The following GPA33 variants were observed in gnomAD, a reference collection of about 807,000 sequenced individuals.
The protein encoded by GPA33 is glycoprotein A33, also known as cell surface A33 antigen.
A neutral mutation model predicts 35.6 loss-of-function variants in GPA33; 27 were observed. The observed-to-expected ratio is 0.76, with a 90% CI of 0.56 to 1.04. The LOEUF (loss-of-function observed/expected upper bound fraction) is 1.04, where lower values mean the gene tolerates loss of function less well. Ranked by LOEUF, GPA33 falls within the 50% of genes least tolerant of loss-of-function variation. The pLI is 0.00. For synonymous variants in GPA33, 176 were observed against 164.0 expected (o/e 1.07, Z -0.56); for missense variants, 428 against 411.9 (o/e 1.04, Z -0.34).
intron 1 of GPA33, among the ~76,000 whole-genome samples, chr1:167,074,089 G>A (rs887740478): frequency 1.3e-5 from 2 of 150,026 alleles, no homozygotes; most frequent in African/African-American, 4.9e-5. Context: ...ATTTTCACAG[G>A]AGTTTATCTC....
At chr1:167,056,900 T>C (rs1336271145) in intron 4 of GPA33, among the ~76,000 whole-genome samples, 2 of 143,522 alleles carry the variant, frequency 1.4e-5, no homozygotes, top group Admixed American at 7.0e-5. Context: ...GTAGTGTGTG[T>C]GCTGCATGTG....
chr1:167,064,215 C>T (rs1004142560), intron 3 of GPA33, among the ~76,000 whole-genome samples: 10 of 151,600 alleles, frequency 6.6e-5, no homozygotes, highest in South Asian at 2.1e-4. Context: ...ATCTGGGAGG[C>T]GGAGGTTGCA....
At chr1:167,055,321 C>T (rs1171863572) in intron 5 of GPA33, among the ~76,000 whole-genome samples, 4 of 152,176 alleles carry the variant, frequency 2.6e-5, no homozygotes, top group Admixed American at 2.0e-4. Flanking sequence ...TAACACTTTC[C>T]GGGCTACCCT....
At chr1:167,079,674 A>G (rs544119335) in intron 1 of GPA33, among the ~76,000 whole-genome samples, 1 of 152,312 alleles carries the variant, frequency 6.6e-6, no homozygotes, top group African/African-American at 2.4e-5. Context: ...GCCAACAGCC[A>G]TCTTGGGAAT....
intron 1 of GPA33, among the ~76,000 whole-genome samples, chr1:167,082,590 TG>T (rs1273966511): frequency 1.3e-5 from 2 of 152,100 alleles, no homozygotes; most frequent in Admixed American, 6.5e-5. Context: ...GACCTTAGCC[TG>T]GGAGGGGACC....
In GPA33 at chr1:167,069,069, T is replaced by C; in HGVS notation, c.268A>G (p.Ser90Gly). 1.2e-6 allele frequency: 2 copies of C among 1,613,950 alleles called. No homozygotes were observed. The highest frequency in any genetic ancestry group is 1.7e-6 in the Non-Finnish European group (2 of 1,179,950). ...GACTGCTCAGCATTGTTGGATATGCTGACGCGATTCTTATAAAGCTCACCA... is the reference window on the plus strand; with the variant it reads ...GACTGCTCAGCATTGTTGGATATGCCGACGCGATTCTTATAAAGCTCACCA... The part of the protein sequence containing the change: ...IHGELYKNRV[S>G]ISNNAEQSDA... Residue 90 changes from serine (S) to glycine (G), a missense_variant, in exon 3 of 7, where the codon AGC becomes GGC. Coordinates refer to ENST00000367868, the MANE Select transcript of GPA33 (RefSeq NM_005814.3).
At chr1:167,086,242 C>A (rs747609231) in intron 1 of GPA33, among the ~76,000 whole-genome samples, 2 of 152,190 alleles carry the variant, frequency 1.3e-5, no homozygotes, top group Admixed American at 6.5e-5. Context: ...CAGGCCCCAG[C>A]GGGGAGCCAG....
Position 167,054,893 on chromosome 1 carries a change from A to C in GPA33, c.827+83T>G, listed in dbSNP as rs1666201310. 8.0e-6 allele frequency: 12 copies of C among 1,491,614 alleles called. No homozygotes were observed. In the South Asian group the frequency reaches 1.2e-4, roughly 15 times the overall value. 92.4% of individuals were successfully genotyped at this position (1,491,614 alleles called of 1,614,324 possible). A position where few individuals can be genotyped will look rare whatever the true frequency, so the allele number is the denominator to read the frequency against. ...GTGATATACCCCAAGGGGTGCTGCA[A>C]GTAGAAGAGGCTGTGAGGAATTGGG... On this transcript the variant is annotated intron_variant, in intron 6 of 6. Transcript: ENST00000367868.
chr1:167,068,505 G>A (rs1666647537), intron 3 of GPA33, among the ~76,000 whole-genome samples: 1 of 152,220 alleles, frequency 6.6e-6, no homozygotes, highest in African/African-American at 2.4e-5. Flanking sequence ...AATTTCTGCT[G>A]GGTAGCCAAA....
intron 4 of GPA33, among the ~76,000 whole-genome samples, chr1:167,056,255 T>C (rs544220417): frequency 6.6e-6 from 1 of 152,328 alleles, no homozygotes; most frequent in Admixed American, 6.5e-5. Context: ...TCAGGAAACA[T>C]AATGCACATT....
intron 1 of GPA33, among the ~76,000 whole-genome samples, chr1:167,089,605 G>A (rs1020454613): frequency 3.3e-5 from 5 of 152,296 alleles, no homozygotes; most frequent in Admixed American, 2.6e-4. Context: ...AGCACTTGAT[G>A]TGGATTCAAC....
chr1:167,056,728 A>AGTG (rs1558001950), intron 4 of GPA33, among the ~76,000 whole-genome samples: 84 of 4,906 alleles, frequency 0.017, no homozygotes, highest in Admixed American at 0.022. Flanking sequence ...GTAGTGTGTG[A>AGTG]TGTATGTGGT....
intron 1 of GPA33, among the ~76,000 whole-genome samples, chr1:167,089,270 G>A (rs1341723114): frequency 2.0e-5 from 3 of 152,126 alleles, no homozygotes; most frequent in Non-Finnish European, 4.4e-5. Flanking sequence ...GGGCTTTCCT[G>A]TGTATGCTAA....
rs149949576 is a variant in GPA33, at chr1:167,083,787, G to A, written c.43+6458C>T. 6.5e-3 allele frequency among the ~76,000 whole-genome samples: 991 copies of A among 152,208 alleles called. 19 individuals carry two copies. Among genetic ancestry groups the A allele is most frequent in the African/African-American group, 0.023 (954 of 41,528 alleles). On this transcript the variant is annotated intron_variant, in intron 1 of 6. Coordinates refer to ENST00000367868, the MANE Select transcript of GPA33 (RefSeq NM_005814.3). The stretch of plus-strand genomic sequence containing the variant: ...TGCAGAGGTCAGGGGGTGGCAGAAG[G>A]CGAGGCATGTTCCAGAAACTAACAC...
intron 1 of GPA33, among the ~76,000 whole-genome samples, chr1:167,084,254 G>A (rs1667010389): frequency 6.6e-6 from 1 of 152,228 alleles, no homozygotes; most frequent in Non-Finnish European, 1.5e-5. Context: ...GGAGACAAGT[G>A]AGGCAGCTGT....
chr1:167,065,405 C>G (rs1283240160), intron 3 of GPA33, among the ~76,000 whole-genome samples: 1 of 152,208 alleles, frequency 6.6e-6, no homozygotes, highest in Non-Finnish European at 1.5e-5. Context: ...ATGCTTGAGA[C>G]TTCAGGTCGT....
At chr1:167,087,116 C>A (rs755388780) in intron 1 of GPA33, among the ~76,000 whole-genome samples, 1 of 152,134 alleles carries the variant, frequency 6.6e-6, no homozygotes, top group Non-Finnish European at 1.5e-5. Context: ...TCTCTAACAG[C>A]CTTGTGGAGG....
At chr1:167,056,727 G>GCCTGGGAAGTAT (rs1558001944) in intron 4 of GPA33, among the ~76,000 whole-genome samples, 1 of 10,740 alleles carries the variant, frequency 9.3e-5, no homozygotes. Context: ...TGTAGTGTGT[G>GCCTGGGAAGTAT]ATGTATGTGG....
intron 4 of GPA33, among the ~76,000 whole-genome samples, chr1:167,062,300 C>T (rs982195807): frequency 1.3e-5 from 2 of 151,952 alleles, no homozygotes; most frequent in Non-Finnish European, 2.9e-5. Flanking sequence ...ACTGCAGCCT[C>T]GACCTCCAGA....
Sources: gnomAD v4.1 joint callset for allele counts (sites outside exome capture counted in the v4.1 genomes callset) on GRCh38, gnomAD v4.1.1 for gene constraint, MANE v1.5 for transcripts, NCBI Gene and HGNC (gene_info 2026-07-23, HGNC 2026-07-21) for gene names.